TXLNB: variants seen among roughly 807,000 people sequenced by gnomAD.
TXLNB encodes the protein beta-taxilin.
Under a neutral mutation model 57.4 loss-of-function variants are expected in TXLNB, and 37 were observed. The observed-to-expected ratio is 0.64, with a 90% CI of 0.50 to 0.85. The LOEUF (loss-of-function observed/expected upper bound fraction) is 0.85, where lower values mean the gene tolerates loss of function less well. Among genes scored for constraint, TXLNB ranks in the 40% least tolerant of loss-of-function variants. The probability of loss-of-function intolerance (pLI) is 0.00; values close to 1 mark genes in which losing one functional copy is unlikely to be tolerated. For synonymous variants in TXLNB, 302 were observed against 309.6 expected (o/e 0.98, Z 0.26); for missense variants, 848 against 825.6 (o/e 1.03, Z -0.33).
At chr6:139,171,462 T>C in the TXLNB span, among the ~76,000 whole-genome samples, 1 of 152,194 alleles carries the variant, frequency 6.6e-6, no homozygotes, top group Non-Finnish European at 1.5e-5. Context: ...TGTTTAATTA[T>C]TACCAGAGAA....
At chr6:139,281,669 C>T (rs1355518163) in intron 2 of TXLNB, among the ~76,000 whole-genome samples, 1 of 108,696 alleles carries the variant, frequency 9.2e-6, no homozygotes, top group East Asian at 2.3e-4. Flanking sequence ...CTGCCTCAGC[C>T]TCCCGAGTAG....
chr6:139,311,567 G>C, the TXLNB span, among the ~76,000 whole-genome samples: 3 of 152,144 alleles, frequency 2.0e-5, no homozygotes, highest in South Asian at 4.1e-4. Context: ...GCCTCTAGCT[G>C]ACCTTGTGAT....
At chr6:139,178,380 T>C in the TXLNB span, 1 of 152,170 alleles carries the variant, frequency 6.6e-6, no homozygotes, top group African/African-American at 2.4e-5. Flanking sequence ...TTCTCAAAAA[T>C]TAATTTGATA....
the TXLNB span, among the ~76,000 whole-genome samples, chr6:139,171,976 G>A: frequency 1.3e-5 from 2 of 151,866 alleles, 1 homozygote; most frequent in South Asian, 4.1e-4. Flanking sequence ...GACTACAGGC[G>A]CCGCCACCAC....
At chr6:139,319,055 G>GCCTCAGC in the TXLNB span, among the ~76,000 whole-genome samples, 3 of 148,524 alleles carry the variant, frequency 2.0e-5, no homozygotes, top group African/African-American at 7.5e-5. Flanking sequence ...AGATTCTCCT[G>GCCTCAGC]CCTCAGCCCT....
chr6:139,189,327 A>C, the TXLNB span, among the ~76,000 whole-genome samples: 67 of 152,362 alleles, frequency 4.4e-4, no homozygotes, highest in African/African-American at 1.6e-3. Flanking sequence ...ATTAAGCTAC[A>C]TGTGAAAGCT....
the TXLNB span, among the ~76,000 whole-genome samples, chr6:139,231,061 T>C: frequency 6.6e-6 from 1 of 152,160 alleles, no homozygotes; most frequent in Non-Finnish European, 1.5e-5. Flanking sequence ...AAACTGCACA[T>C]ACCGGCACGT....
chr6:139,205,215 C>T, the TXLNB span, among the ~76,000 whole-genome samples: 33 of 152,220 alleles, frequency 2.2e-4, no homozygotes, highest in African/African-American at 7.2e-4. Flanking sequence ...CTCTTGGCAG[C>T]CCTCTGGGTT....
At chr6:139,218,965 C>A in the TXLNB span, among the ~76,000 whole-genome samples, 1 of 151,968 alleles carries the variant, frequency 6.6e-6, no homozygotes, top group African/African-American at 2.4e-5. Flanking sequence ...TATATTTTGT[C>A]AATTGTGGAA....
At chr6:139,299,212 C>T in the TXLNB span, among the ~76,000 whole-genome samples, 1 of 152,146 alleles carries the variant, frequency 6.6e-6, no homozygotes, top group Admixed American at 6.5e-5. Flanking sequence ...TGTTGCTGCA[C>T]ATGGGTAAGA....
chr6:139,250,357 CT>C (rs61441759), intron 7 of TXLNB, among the ~76,000 whole-genome samples: 25,244 of 118,706 alleles, frequency 0.21, 2,089 homozygotes, highest in African/African-American at 0.29. Context: ...TTCTTTCTTT[CT>C]TTTTTTTTTT....
intron 4 of TXLNB, among the ~76,000 whole-genome samples, chr6:139,264,179 C>G (rs945502906): frequency 6.6e-6 from 1 of 152,102 alleles, no homozygotes; most frequent in African/African-American, 2.4e-5. Flanking sequence ...TGTTATTTCC[C>G]TGAACTTTGT....
the TXLNB span, among the ~76,000 whole-genome samples, chr6:139,314,866 T>C: frequency 0.58 from 88,755 of 152,084 alleles, 28,310 homozygotes; most frequent in African/African-American, 0.86. Flanking sequence ...GAATTCAGTT[T>C]GTGGTTTGAC....
chr6:139,281,837 C>T lies in TXLNB; in HGVS notation c.425-4916G>A, dbSNP rs2114616098. On this transcript the variant is annotated intron_variant, in intron 2 of 9. Coordinates refer to ENST00000358430, the MANE Select transcript of TXLNB (RefSeq NM_153235.4). ...TGCTGGGATTCCAGGCGTGAGCCAC[C>T]GCGCCCGGCCCTGGAGTTCTTATTA... Among the ~76,000 whole-genome samples, 2 of 116,034 alleles carry T rather than the reference C, an allele frequency of 1.7e-5. 1 individual carries two copies. The allele number at this position is 116,034 out of a possible 152,430, so 76.1% of individuals were successfully genotyped here.
the TXLNB span, among the ~76,000 whole-genome samples, chr6:139,189,935 TA>T: frequency 6.6e-6 from 1 of 152,184 alleles, no homozygotes; most frequent in East Asian, 1.9e-4. Context: ...CTTCTATCCA[TA>T]ATGCCTACTA....
rs1233136649 is a variant in TXLNB at position 139,240,098 on chromosome 6, TTA to T, written c.*2426_*2427del. ...AGTACCTTTTTAATAGATATATAAA[TTA>T]TAGTTATTTAACTTAGAAAACAATA... is the stretch of plus-strand genomic sequence containing the variant. On this transcript the variant is annotated 3_prime_UTR_variant, in exon 10 of 10. Transcript: ENST00000358430. 3.4e-5 allele frequency: 5 copies of T among 146,230 alleles called. No individual in the cohort carries two copies. Among genetic ancestry groups the T allele is most frequent in the African/African-American group, 1.4e-4 (5 of 35,404 alleles). The allele number at this position is 146,230 out of a possible 1,614,324, so 9.1% of individuals were successfully genotyped here. A position where few individuals can be genotyped will look rare whatever the true frequency, so the allele number is the denominator to read the frequency against.
chr6:139,204,060 T>G, the TXLNB span, among the ~76,000 whole-genome samples: 1 of 152,152 alleles, frequency 6.6e-6, no homozygotes, highest in African/African-American at 2.4e-5. Flanking sequence ...CCTAATTTTT[T>G]TTTTTTTCGA....
chr6:139,177,279 G>T, the TXLNB span: 1 of 494,816 alleles, frequency 2.0e-6, no homozygotes, highest in Non-Finnish European at 3.6e-6. This position sits in a 1 kb window ranked among gnomAD's most constrained non-coding sequence, Gnocchi z 4.9. Context: ...ATTCCCGAGT[G>T]TTAATCTGTG....
At chr6:139,275,388 A>G (rs1193348471) in intron 3 of TXLNB, among the ~76,000 whole-genome samples, 1 of 152,340 alleles carries the variant, frequency 6.6e-6, no homozygotes, top group East Asian at 1.9e-4. Flanking sequence ...TATGTACCTT[A>G]TGACTGTAAT....
Sources: allele counts gnomAD v4.1 joint callset (sites outside exome capture counted in the v4.1 genomes callset), GRCh38; gene constraint gnomAD v4.1.1; non-coding constraint Gnocchi (gnomAD v3.1); transcripts MANE v1.5; gene names NCBI Gene and HGNC (gene_info 2026-07-23, HGNC 2026-07-21).